Variants in JAKMIP1 observed in about 807,000 individuals in gnomAD.
JAKMIP1 encodes the protein janus kinase and microtubule interacting protein 1.
A neutral mutation model predicts 113.0 loss-of-function variants in JAKMIP1; 33 were observed. That is an observed-to-expected ratio of 0.29 (90% confidence interval 0.22 to 0.39). The LOEUF is 0.39. JAKMIP1 is among the 10% of genes least tolerant of loss of function. The pLI, the probability that JAKMIP1 is intolerant of heterozygous loss-of-function variation, is 1.00. For synonymous variants in JAKMIP1, 480 were observed against 459.9 expected, an observed-to-expected ratio of 1.04 and a Z score of -0.56; for missense variants, 813 against 1,080.5, an observed-to-expected ratio of 0.75 and a Z score of 3.47.
At position 6,199,528 on chromosome 4, in the gene JAKMIP1, T is replaced by C. The variant is rs1728214029; in HGVS notation, c.-148+725A>G. ...GTCTGGCACCACGAGAGTCAATCCTTGCGCGCCATCTCCGGAGGCCAGTGC... is the reference window on the plus strand; with the variant it reads ...GTCTGGCACCACGAGAGTCAATCCTCGCGCGCCATCTCCGGAGGCCAGTGC... On this transcript the variant is annotated intron_variant, in intron 1 of 20. Transcript: ENST00000409021. This position sits in a 1 kb window ranked among gnomAD's most constrained non-coding sequence, Gnocchi z 5.6. Among the ~76,000 whole-genome samples the C allele has an allele frequency of 6.6e-6, 1 of 152,024 alleles. No homozygotes were observed. Among genetic ancestry groups the C allele is most frequent in the African/African-American group, 2.4e-5 (1 of 41,420 alleles).
intron 1 of JAKMIP1, among the ~76,000 whole-genome samples, chr4:6,191,913 T>TTTTTTTTATTTATTTATTTATTTA (rs1553866637): frequency 1.4e-5 from 2 of 141,054 alleles, no homozygotes; most frequent in African/African-American, 2.6e-5. Flanking sequence ...CAGGAGTGCA[T>TTTTTTTTATTTATTTATTTATTTA]TTTATTTATT....
chr4:6,138,188 C>T lies in JAKMIP1; in HGVS notation c.-147-25191G>A, dbSNP rs994001983. 1.3e-5 allele frequency among the ~76,000 whole-genome samples: 2 copies of T among 152,156 alleles called. No homozygotes were observed. The highest frequency in any genetic ancestry group is 6.5e-5 in the Admixed American group (1 of 15,282). The stretch of plus-strand genomic sequence containing the variant: ...GACAGAGTGGCTTCTGTTATCTGCA[C>T]CTGAACACAGATGAAAGCTGGGGTA... On this transcript the variant is annotated intron_variant, in intron 1 of 20. Coordinates refer to ENST00000409021, the MANE Select transcript of JAKMIP1 (RefSeq NM_001099433.2). This position sits in a 1 kb window ranked among gnomAD's most constrained non-coding sequence, Gnocchi z 6.0.
intron 1 of JAKMIP1, among the ~76,000 whole-genome samples, chr4:6,152,058 G>T (rs779873287): frequency 1.3e-4 from 19 of 151,732 alleles, no homozygotes; most frequent in Non-Finnish European, 7.4e-5. Flanking sequence ...GGAAGCAGGC[G>T]AAGGAGGAAG....
intron 3 of JAKMIP1, among the ~76,000 whole-genome samples, chr4:6,103,763 T>A (rs1713461136): frequency 6.6e-6 from 1 of 152,246 alleles, no homozygotes; most frequent in Non-Finnish European, 1.5e-5. Flanking sequence ...GTTCATTTTA[T>A]CGAGGTTTCA....
Position 6,062,318 on chromosome 4 carries a change from C to T in JAKMIP1, c.1554G>A (p.Glu518=), listed in dbSNP as rs775066758. ...QVGGTLDAER[E]ARTREQLQAD... The stretch of plus-strand genomic sequence containing the variant: ...TGAGGCTGGCTGCACTCACCCGGGC[C>T]TCCCTCTCAGCGTCCAGCGTGCCTC... The change falls in exon 10 of 21, where the codon GAG becomes GAA. Residue 518 remains glutamate, a synonymous_variant. Coordinates refer to ENST00000409021, the MANE Select transcript of JAKMIP1 (RefSeq NM_001099433.2). The T allele has an allele frequency of 6.2e-7, 1 of 1,612,532 alleles. No individual in the cohort carries two copies. Among genetic ancestry groups the T allele is most frequent in the South Asian group, 1.1e-5 (1 of 91,028 alleles).
chr4:6,037,587 A>C (rs1332218677), intron 18 of JAKMIP1, among the ~76,000 whole-genome samples: 1 of 145,474 alleles, frequency 6.9e-6, no homozygotes, highest in Non-Finnish European at 1.5e-5. Flanking sequence ...ATAACCCAGT[A>C]GCCCTCCATC....
chr4:6,099,684 AG>A (rs1277077694), intron 3 of JAKMIP1, among the ~76,000 whole-genome samples: 1 of 152,266 alleles, frequency 6.6e-6, no homozygotes, highest in Non-Finnish European at 1.5e-5. Context: ...CCCTTCCAAG[AG>A]AACTAAATTC....
intron 3 of JAKMIP1, among the ~76,000 whole-genome samples, chr4:6,096,709 A>T (rs1035579482): frequency 1.3e-5 from 2 of 152,148 alleles, no homozygotes; most frequent in Non-Finnish European, 2.9e-5. Context: ...CTTATCTGAA[A>T]TGTTTGGGAC....
rs1037802244 is a variant in JAKMIP1 at position 6,197,177 on chromosome 4, A to G, written c.-148+3076T>C. On this transcript the variant is annotated intron_variant, in intron 1 of 20. Transcript: ENST00000409021. The surrounding 1 kb of genome is among the most constrained non-coding windows in gnomAD (Gnocchi z 6.5). ...TTATCCAGACAAAAGAAGTGAGTAC[A>G]GGGGCTAAGCGACTTGCCCAACGTC... Among the ~76,000 whole-genome samples, 4 of 152,182 alleles carry G rather than the reference A, an allele frequency of 2.6e-5. No individual in the cohort carries two copies. Among genetic ancestry groups the G allele is most frequent in the African/African-American group, 9.7e-5 (4 of 41,446 alleles).
At chr4:6,134,497 C>G (rs891115441) in intron 1 of JAKMIP1, among the ~76,000 whole-genome samples, 4 of 152,056 alleles carry the variant, frequency 2.6e-5, no homozygotes, top group Non-Finnish European at 5.9e-5. Flanking sequence ...GGCATCACCT[C>G]CTCTGGGATG....
At chr4:6,037,622 C>A (rs1713688311) in intron 18 of JAKMIP1, among the ~76,000 whole-genome samples, 1 of 147,378 alleles carries the variant, frequency 6.8e-6, no homozygotes, top group Non-Finnish European at 1.5e-5. Context: ...TAACCGGTAT[C>A]CCTCCATCAC....
chr4:6,039,268 A>C (rs1329728128), intron 18 of JAKMIP1, among the ~76,000 whole-genome samples: 1 of 152,178 alleles, frequency 6.6e-6, no homozygotes, highest in Non-Finnish European at 1.5e-5. Context: ...TGTTTTGGGA[A>C]ATGCCAGTTC....
chr4:6,125,005 G>A (rs1015239648), intron 1 of JAKMIP1, among the ~76,000 whole-genome samples: 1 of 152,162 alleles, frequency 6.6e-6, no homozygotes, highest in Non-Finnish European at 1.5e-5. Context: ...AGGGGCTGTA[G>A]GTCACAGAGG....
intron 1 of JAKMIP1, among the ~76,000 whole-genome samples, chr4:6,174,157 G>A (rs185752958): frequency 2.6e-4 from 40 of 152,192 alleles, no homozygotes; most frequent in Admixed American, 1.5e-3. Flanking sequence ...ATCACCAATC[G>A]TTGCAATAAT....
At chr4:6,147,375 T>C (rs1377338057) in intron 1 of JAKMIP1, among the ~76,000 whole-genome samples, 1 of 152,118 alleles carries the variant, frequency 6.6e-6, no homozygotes. Flanking sequence ...TGGCTGTCCA[T>C]GCAGAACACA....
chr4:6,099,128 G>C (rs981447996), intron 3 of JAKMIP1, among the ~76,000 whole-genome samples: 2 of 152,212 alleles, frequency 1.3e-5, no homozygotes, highest in African/African-American at 4.8e-5. Context: ...CAGGGAAAGT[G>C]GGTCTTTATA....
rs1185754315 is a variant in JAKMIP1 at position 6,157,943 on chromosome 4, GC to G, written c.-148+42309del. Among the ~76,000 whole-genome samples the G allele has an allele frequency of 2.0e-5, 3 of 152,228 alleles. No homozygotes were observed. Among genetic ancestry groups the G allele is most frequent in the Non-Finnish European group, 4.4e-5 (3 of 68,036 alleles). On this transcript the variant is annotated intron_variant, in intron 1 of 20. Transcript: ENST00000409021. This position sits in a 1 kb window ranked among gnomAD's most constrained non-coding sequence, Gnocchi z 4.7. Reference sequence around the variant, plus strand: ...AGCAGCACTAACTCCTGATGCAACAGCTTTCTTTCTATGGATCACTTCATTC... The same window carrying G: ...AGCAGCACTAACTCCTGATGCAACAGTTTCTTTCTATGGATCACTTCATTC...
chr4:6,044,433 G>A lies in JAKMIP1; in HGVS notation c.2029-2206C>T, dbSNP rs1260567910. Among the ~76,000 whole-genome samples the A allele has an allele frequency of 6.6e-6, 1 of 152,054 alleles. No individual in the cohort carries two copies. Among genetic ancestry groups the A allele is most frequent in the Non-Finnish European group, 1.5e-5 (1 of 68,012 alleles). On this transcript the variant is annotated intron_variant, in intron 16 of 20. Transcript: ENST00000409021. The surrounding 1 kb of genome is among the most constrained non-coding windows in gnomAD (Gnocchi z 4.4). ...CTTCCCTAACGCCACAGTGAGCTCG[G>A]CCCCCAGTACGGGCTCTGTGCCAGC...
At chr4:6,091,042 A>G (rs1721997136) in intron 3 of JAKMIP1, among the ~76,000 whole-genome samples, 1 of 152,250 alleles carries the variant, frequency 6.6e-6, no homozygotes, top group Non-Finnish European at 1.5e-5. Flanking sequence ...GCCTTCTTGC[A>G]TTTCTAATCC....
Sources: gnomAD v4.1 joint callset for allele counts (sites outside exome capture counted in the v4.1 genomes callset) on GRCh38, gnomAD v4.1.1 for gene constraint, Gnocchi (gnomAD v3.1) non-coding constraint, MANE v1.5 for transcripts, NCBI Gene and HGNC (gene_info 2026-07-23, HGNC 2026-07-21) for gene names.